The following PCDH15 variants were observed in gnomAD, a reference collection of about 807,000 sequenced individuals.
PCDH15 encodes the protein protocadherin-15.
Under a neutral mutation model 178.5 loss-of-function variants are expected in PCDH15, and 129 were observed. The observed-to-expected ratio is 0.72, with a 90% confidence interval of 0.63 to 0.84. The LOEUF (loss-of-function observed/expected upper bound fraction) is 0.84, where lower values mean the gene tolerates loss of function less well. Among genes scored for constraint, PCDH15 ranks in the 40% least tolerant of loss-of-function variants. The probability of loss-of-function intolerance (pLI) is 0.00; values close to 1 mark genes in which losing one functional copy is unlikely to be tolerated. For synonymous variants in PCDH15, 800 were observed against 732.0 expected, an observed-to-expected ratio of 1.09 and a Z score of -1.50; for missense variants, 2,230 against 2,099.9, an observed-to-expected ratio of 1.06 and a Z score of -1.21.
At chr10:55,358,532 G>T (rs1900491) in intron 2 of PCDH15, among the ~76,000 whole-genome samples, 83,053 of 151,788 alleles carry the variant, frequency 0.55, 23,254 homozygotes, top group African/African-American at 0.65. Context: ...ATTTCAAGAG[G>T]ATATCAGCAT....
intron 3 of PCDH15, among the ~76,000 whole-genome samples, chr10:54,402,894 T>C (rs1589229805): frequency 1.3e-5 from 2 of 151,932 alleles, no homozygotes; most frequent in African/African-American, 4.8e-5. Flanking sequence ...CTTCTAAGGG[T>C]TCAAGTGAAA....
intron 5 of PCDH15, among the ~76,000 whole-genome samples, chr10:54,367,362 G>A (rs1205780944): frequency 2.7e-5 from 4 of 147,462 alleles, no homozygotes; most frequent in African/African-American, 5.1e-5. Flanking sequence ...AATGATATTT[G>A]AGAAGTTACT....
intron 3 of PCDH15, among the ~76,000 whole-genome samples, chr10:54,424,277 A>G (rs1303094298): frequency 6.6e-6 from 1 of 151,920 alleles, no homozygotes; most frequent in Non-Finnish European, 1.5e-5. Flanking sequence ...ATCACTGGCC[A>G]TCAGAGAAAT....
intron 2 of PCDH15, among the ~76,000 whole-genome samples, chr10:54,992,121 T>A (rs924087951): frequency 6.6e-6 from 1 of 152,142 alleles, no homozygotes; most frequent in Non-Finnish European, 1.5e-5. Context: ...AATCACTCTA[T>A]AATATAAACC....
chr10:54,140,304 C>A (rs566787051), intron 14 of PCDH15, among the ~76,000 whole-genome samples: 2 of 152,160 alleles, frequency 1.3e-5, no homozygotes, highest in African/African-American at 4.8e-5. Flanking sequence ...TTCTTAGTTA[C>A]AGAAAATGTA....
intron 1 of PCDH15, among the ~76,000 whole-genome samples, chr10:54,767,732 C>G (rs1181471175): frequency 6.6e-6 from 1 of 152,088 alleles, no homozygotes; most frequent in Non-Finnish European, 1.5e-5. Flanking sequence ...AGGAAAAGCA[C>G]CAACAAATCC....
At chr10:55,211,495 T>G (rs1166984546) in intron 1 of PCDH15, among the ~76,000 whole-genome samples, 2 of 152,108 alleles carry the variant, frequency 1.3e-5, no homozygotes, top group Non-Finnish European at 2.9e-5. Context: ...GAAATTCACA[T>G]AGAGCTATCA....
intron 20 of PCDH15, among the ~76,000 whole-genome samples, chr10:54,004,084 AT>A (rs2092289784): frequency 1.8e-5 from 2 of 111,542 alleles, no homozygotes; most frequent in Non-Finnish European, 3.6e-5. Context: ...ATAAAATTCA[AT>A]GCTCTTTCAT....
chr10:55,100,763 C>G (rs1842558272), intron 2 of PCDH15, among the ~76,000 whole-genome samples: 1 of 152,100 alleles, frequency 6.6e-6, no homozygotes, highest in Non-Finnish European at 1.5e-5. Flanking sequence ...ACCCAAACAC[C>G]TGTTGTTAAG....
intron 2 of PCDH15, among the ~76,000 whole-genome samples, chr10:55,340,827 G>T (rs1397595923): frequency 6.6e-6 from 1 of 151,946 alleles, no homozygotes; most frequent in Non-Finnish European, 1.5e-5. Flanking sequence ...CAAGATTAAA[G>T]AAATTTAATG....
At chr10:53,953,659 T>C (rs537264454) in intron 23 of PCDH15, among the ~76,000 whole-genome samples, 1 of 152,344 alleles carries the variant, frequency 6.6e-6, no homozygotes, top group Non-Finnish European at 1.5e-5. Flanking sequence ...GAAATGTGTT[T>C]TTAAATAATG....
chr10:54,987,278 G>A (rs1839395028), intron 2 of PCDH15, among the ~76,000 whole-genome samples: 1 of 152,062 alleles, frequency 6.6e-6, no homozygotes, highest in South Asian at 2.1e-4. Context: ...ATGGGCATTT[G>A]GGTTCATTCC....
At chr10:55,229,415 G>A (rs1841148082) in intron 1 of PCDH15, among the ~76,000 whole-genome samples, 1 of 151,326 alleles carries the variant, frequency 6.6e-6, no homozygotes, top group East Asian at 1.9e-4. Context: ...TTCAATATGT[G>A]AAGAAGGATA....
At chr10:54,134,667 G>A (rs1051948521) in intron 14 of PCDH15, among the ~76,000 whole-genome samples, 5 of 151,258 alleles carry the variant, frequency 3.3e-5, no homozygotes, top group African/African-American at 1.2e-4. Context: ...GCAGGAGAAT[G>A]GTGTGAACCC....
chr10:54,184,895 T>C (rs530125217), intron 12 of PCDH15, among the ~76,000 whole-genome samples: 1 of 152,258 alleles, frequency 6.6e-6, no homozygotes, highest in Admixed American at 6.5e-5. Flanking sequence ...CTTTCTTTTT[T>C]TTTTGAAAAG....
intron 2 of PCDH15, among the ~76,000 whole-genome samples, chr10:55,087,434 G>T (rs1164916089): frequency 6.6e-6 from 1 of 152,190 alleles, no homozygotes; most frequent in African/African-American, 2.4e-5. Context: ...AGCCAGATAA[G>T]TTCTGCTTAG....
chr10:54,281,476 A>G (rs575757421), intron 8 of PCDH15, among the ~76,000 whole-genome samples: 1 of 151,898 alleles, frequency 6.6e-6, no homozygotes, highest in African/African-American at 2.4e-5. Flanking sequence ...TATTGAGTCT[A>G]TTAATCTTCT....
intron 1 of PCDH15, among the ~76,000 whole-genome samples, chr10:54,755,008 G>A (rs944697410): frequency 1.5e-5 from 2 of 133,102 alleles, no homozygotes; most frequent in Non-Finnish European, 3.1e-5. Context: ...AAGTGCAATG[G>A]CACGATCTTG....
At chr10:54,013,360 A>C (rs185539999) in intron 20 of PCDH15, among the ~76,000 whole-genome samples, 1 of 152,296 alleles carries the variant, frequency 6.6e-6, no homozygotes, top group East Asian at 1.9e-4. Flanking sequence ...GAGGTGACAA[A>C]GTGAAAAAGA....
Sources: gnomAD v4.1 joint callset for allele counts (sites outside exome capture counted in the v4.1 genomes callset) on GRCh38, gnomAD v4.1.1 for gene constraint, MANE v1.5 for transcripts, NCBI Gene and HGNC (gene_info 2026-07-23, HGNC 2026-07-21) for gene names.